DIAPH3: variants seen among roughly 807,000 people sequenced by gnomAD.
DIAPH3 encodes diaphanous related formin 3.
Under a neutral mutation model 144.3 loss-of-function variants are expected in DIAPH3, and 117 were observed. That is an observed-to-expected ratio of 0.81 (90% CI 0.70 to 0.95). DIAPH3 has a LOEUF of 0.95. Among genes scored for constraint, DIAPH3 ranks in the 40% least tolerant of loss-of-function variants. The probability of loss-of-function intolerance (pLI) is 0.00; values close to 1 mark genes in which losing one functional copy is unlikely to be tolerated. For synonymous variants in DIAPH3, 519 were observed against 488.9 expected, an observed-to-expected ratio of 1.06 and a Z score of -0.81; for missense variants, 1,421 against 1,412.7, an observed-to-expected ratio of 1.01 and a Z score of -0.09.
intron 21 of DIAPH3, among the ~76,000 whole-genome samples, chr13:59,862,766 T>C (rs1454956240): frequency 6.6e-6 from 1 of 152,182 alleles, no homozygotes; most frequent in Non-Finnish European, 1.5e-5. Flanking sequence ...ATTTTTTTCC[T>C]AACTGCACCT....
intron 24 of DIAPH3, among the ~76,000 whole-genome samples, chr13:59,820,186 G>C (rs1424716486): frequency 6.6e-6 from 1 of 151,912 alleles, no homozygotes; most frequent in Non-Finnish European, 1.5e-5. Context: ...ATATGGGGGA[G>C]TGCCAATTTT....
chr13:60,106,459 G>A (rs2058424499), intron 3 of DIAPH3, among the ~76,000 whole-genome samples: 1 of 152,098 alleles, frequency 6.6e-6, no homozygotes, highest in Non-Finnish European at 1.5e-5. Flanking sequence ...ATAGATTTAT[G>A]ATGTCAGGAT....
chr13:59,666,567 T>C lies in DIAPH3; in HGVS notation c.*17A>G, dbSNP rs534026017. 19 of 1,613,734 alleles carry C rather than the reference T, an allele frequency of 1.2e-5. No homozygotes were observed. The African/African-American group carries it at 1.6e-4, about 14-fold the overall frequency. ...TTTATATTTGGCTTAATCATTTTTT[T>C]TAAAAACCAGTTTAACTTATAAAGC... On this transcript the variant is annotated 3_prime_UTR_variant, in exon 28 of 28. Transcript: ENST00000400324.
chr13:60,057,114 C>A (rs192412056), intron 4 of DIAPH3, among the ~76,000 whole-genome samples: 1 of 151,668 alleles, frequency 6.6e-6, no homozygotes, highest in Non-Finnish European at 1.5e-5. Flanking sequence ...AAACTATCTC[C>A]GTTTGTTGAT....
intron 27 of DIAPH3, among the ~76,000 whole-genome samples, chr13:59,719,485 C>T (rs541972402): frequency 2.0e-5 from 3 of 152,154 alleles, no homozygotes; most frequent in South Asian, 4.2e-4. Flanking sequence ...ATGAAGCCTG[C>T]CTTTGGATGT....
chr13:59,813,522 T>C (rs1028304731), intron 24 of DIAPH3, among the ~76,000 whole-genome samples: 2 of 151,984 alleles, frequency 1.3e-5, no homozygotes, highest in Non-Finnish European at 2.9e-5. Flanking sequence ...TATGGTCATG[T>C]ATATTAAGAG....
intron 27 of DIAPH3, among the ~76,000 whole-genome samples, chr13:59,746,575 T>C (rs532823524): frequency 6.6e-6 from 1 of 152,262 alleles, no homozygotes; most frequent in South Asian, 2.1e-4. Flanking sequence ...GTTTTCACAT[T>C]GGAACTTGAT....
chr13:60,005,626 A>G (rs958153083), intron 9 of DIAPH3, among the ~76,000 whole-genome samples: 23 of 151,968 alleles, frequency 1.5e-4, no homozygotes, highest in Admixed American at 5.2e-4. Context: ...GACTACAGGC[A>G]CCCACCACCA....
chr13:59,706,191 T>G (rs1194207097), intron 27 of DIAPH3, among the ~76,000 whole-genome samples: 1 of 152,186 alleles, frequency 6.6e-6, no homozygotes, highest in East Asian at 1.9e-4. Flanking sequence ...CACTGTATTG[T>G]TTAAGGAATA....
chr13:59,895,182 C>T (rs1453946618), intron 20 of DIAPH3, among the ~76,000 whole-genome samples: 1 of 152,010 alleles, frequency 6.6e-6, no homozygotes, highest in East Asian at 1.9e-4. Context: ...TGAACAAATT[C>T]CTAGATTTTC....
chr13:59,872,183 C>A (rs947411903), intron 21 of DIAPH3, among the ~76,000 whole-genome samples: 1 of 152,028 alleles, frequency 6.6e-6, no homozygotes, highest in Admixed American at 6.5e-5. Flanking sequence ...TTAGATCTTT[C>A]TTATTTTCTA....
intron 4 of DIAPH3, among the ~76,000 whole-genome samples, chr13:60,059,303 A>C (rs1342567904): frequency 2.0e-5 from 3 of 151,980 alleles, no homozygotes; most frequent in Admixed American, 2.0e-4. Flanking sequence ...TACTGATTAC[A>C]TGGGTGTGTC....
rs115603867 is a variant in DIAPH3, at chr13:59,674,096, C to G, written c.3320-7250G>C. On this transcript the variant is annotated intron_variant, in intron 27 of 27. Coordinates refer to ENST00000400324, the MANE Select transcript of DIAPH3 (RefSeq NM_001042517.2). ...GAAGTGAAGGCAATCTTTTAGAGGA[C>G]TGTGACCTGTGAAATCTGGCTTAAC... Among the ~76,000 whole-genome samples the G allele has an allele frequency of 5.6e-4, 86 of 152,312 alleles. 1 individual carries two copies. The South Asian group carries it at 7.7e-3, about 14-fold the overall frequency.
chr13:59,741,655 T>C (rs1163123883), intron 27 of DIAPH3, among the ~76,000 whole-genome samples: 1 of 146,418 alleles, frequency 6.8e-6, no homozygotes, highest in East Asian at 2.0e-4. Context: ...AGGTTGAGGC[T>C]GCAGTAAGCC....
intron 5 of DIAPH3, among the ~76,000 whole-genome samples, chr13:60,028,589 C>T (rs1327811852): frequency 1.3e-5 from 2 of 152,104 alleles, no homozygotes; most frequent in Non-Finnish European, 2.9e-5. Context: ...TCTGACCGCT[C>T]ACCTGTATCT....
chr13:59,774,130 AG>A (rs774643709), intron 27 of DIAPH3, 58 bp downstream of exon 27: 49 of 1,521,396 alleles, frequency 3.2e-5, no homozygotes. Context: ...CTAAAATCAC[AG>A]ATCAATAGGA....
chr13:59,747,229 T>A (rs534784742), intron 27 of DIAPH3, among the ~76,000 whole-genome samples: 1 of 152,306 alleles, frequency 6.6e-6, no homozygotes, highest in South Asian at 2.1e-4. Context: ...TTCGGGATGA[T>A]CACTGAAACA....
chr13:59,929,965 T>C (rs572364038), intron 17 of DIAPH3, among the ~76,000 whole-genome samples: 4 of 152,180 alleles, frequency 2.6e-5, no homozygotes, highest in Non-Finnish European at 4.4e-5. Flanking sequence ...TAATTGCAAA[T>C]AGATTCTGAG....
chr13:59,776,053 G>A (rs1157291494), intron 25 of DIAPH3, among the ~76,000 whole-genome samples: 1 of 152,190 alleles, frequency 6.6e-6, no homozygotes, highest in Admixed American at 6.5e-5. Flanking sequence ...TTATGAAATT[G>A]TATGGCTGGT....
Sources: gnomAD v4.1 joint callset for allele counts (sites outside exome capture counted in the v4.1 genomes callset) on GRCh38, gnomAD v4.1.1 for gene constraint, MANE v1.5 for transcripts, NCBI Gene and HGNC (gene_info 2026-07-23, HGNC 2026-07-21) for gene names.